The following TSPAN7 variants were observed in gnomAD, a reference collection of about 807,000 sequenced individuals.
TSPAN7 encodes the protein tetraspanin 7, also known as tetraspanin-7.
TSPAN7 carries 1 observed loss-of-function variant against 17.6 expected under a neutral mutation model. The observed-to-expected ratio is 0.06, with a 90% CI of 0.02 to 0.27. The LOEUF (loss-of-function observed/expected upper bound fraction) is 0.27, where lower values mean the gene tolerates loss of function less well. Among genes scored for constraint, TSPAN7 ranks in the 10% least tolerant of loss-of-function variants. The pLI, the probability that TSPAN7 is intolerant of heterozygous loss-of-function variation, is 1.00. For missense variants in TSPAN7, 112 were observed against 201.7 expected, an observed-to-expected ratio of 0.56 and a Z score of 2.69; for synonymous variants, 78 against 79.0, an observed-to-expected ratio of 0.99 and a Z score of 0.07.
At chrX:38,655,328 A>G (rs1318986789) in intron 1 of TSPAN7, among the ~76,000 whole-genome samples, 4 of 110,863 alleles carry the variant, frequency 3.6e-5, no homozygotes, top group Admixed American at 2.9e-4. Flanking sequence ...AAAACATATT[A>G]CTATTACCTT....
At chrX:38,591,706 G>A (rs2069292879) in intron 1 of TSPAN7, among the ~76,000 whole-genome samples, 1 of 111,897 alleles carries the variant, frequency 8.9e-6, no homozygotes, top group African/African-American at 3.2e-5. Context: ...ATGTTTAAAT[G>A]TTTAGGATTG....
At chrX:38,650,535 G>C in intron 1 of TSPAN7, among the ~76,000 whole-genome samples, 1 of 111,820 alleles carries the variant, frequency 8.9e-6, no homozygotes, top group South Asian at 3.8e-4. Context: ...CATGTCCTTG[G>C]CCATAACTTG....
chrX:38,660,687 T>C (rs189658587), intron 1 of TSPAN7, among the ~76,000 whole-genome samples: 113 of 112,285 alleles, frequency 1.0e-3, no homozygotes, highest in African/African-American at 3.5e-3. Flanking sequence ...TAAAATGCAA[T>C]CTAGCTAAGA....
rs2069645274 is a variant in TSPAN7 at position 38,646,237 on chromosome X, C to A, written c.82-19884C>A. On this transcript the variant is annotated intron_variant, in intron 1 of 7. Transcript: ENST00000378482. ...ATACCATAGAGCTTTTCTATAATAT[C>A]TTTTGTATTACATGTTCATAAAAGA... 16 of 1,140,373 alleles carry A rather than the reference C, an allele frequency of 1.4e-5. No homozygotes were observed. The Admixed American group carries it at 1.9e-4, about 13-fold the overall frequency. The allele number at this position is 1,140,373 out of a possible 1,213,427, so 94.0% of individuals were successfully genotyped here. A position where few individuals can be genotyped will look rare whatever the true frequency, so the allele number is the denominator to read the frequency against.
chrX:38,584,321 C>T (rs1042230175), intron 1 of TSPAN7, among the ~76,000 whole-genome samples: 3 of 111,086 alleles, frequency 2.7e-5, no homozygotes, highest in Admixed American at 9.6e-5. Context: ...TTTTAGATAA[C>T]GTCCACATGG....
chrX:38,658,405 C>T (rs2147445238), intron 1 of TSPAN7, among the ~76,000 whole-genome samples: 1 of 109,707 alleles, frequency 9.1e-6, no homozygotes, highest in Non-Finnish European at 1.9e-5. Context: ...GTCTTGAACT[C>T]CTGGCCTCAA....
rs1386290071 is a variant in TSPAN7, at chrX:38,659,036, ACACC to A, written c.82-7081_82-7078del. The stretch of plus-strand genomic sequence containing the variant: ...CACACACACACACACACACACACAC[ACACC>A]CACAGACGTACACATGTATACATGT... On this transcript the variant is annotated intron_variant, in intron 1 of 7. Transcript: ENST00000378482. Among the ~76,000 whole-genome samples, 77 of 83,131 alleles carry A rather than the reference ACACC, an allele frequency of 9.3e-4. No homozygotes were observed. The East Asian group carries it at 0.026, about 28-fold the overall frequency. 72.2% of individuals were successfully genotyped at this position (83,131 alleles called of 115,157 possible).
rs367925493 is a variant in TSPAN7, at chrX:38,666,286, G to A, written c.247G>A (p.Gly83Ser). 1.7e-6 allele frequency: 2 copies of A among 1,211,229 alleles called. No individual in the cohort carries two copies. The highest frequency in any genetic ancestry group is 2.2e-6 in the Non-Finnish European group (2 of 895,098). The change falls in exon 2 of 8, where the codon GGT (glycine) becomes AGT (serine). Residue 83 changes from glycine (G) to serine (S), a missense_variant. Gly to Ser is a moderately conservative substitution (Grantham distance 56). Transcript: ENST00000378482. ...GLFGCFATCR[G>S]SPWMLKLYAM... is the part of the protein sequence containing the mutation. ...GTTTGGATGCTTTGCTACATGTCGT[G>A]GTAGCCCATGGATGCTGAAACTGGT...
intron 1 of TSPAN7, among the ~76,000 whole-genome samples, chrX:38,593,273 G>A (rs1418094198): frequency 9.1e-6 from 1 of 110,165 alleles, no homozygotes. Flanking sequence ...TTGAATATGT[G>A]GGCTTATTGT....
intron 1 of TSPAN7, among the ~76,000 whole-genome samples, chrX:38,626,334 A>G (rs186497480): frequency 8.0e-5 from 9 of 112,241 alleles, no homozygotes; most frequent in Non-Finnish European, 1.7e-4. Context: ...ATGATAGGGC[A>G]TGGAATAAAG....
chrX:38,654,980 C>T (rs2069694379), intron 1 of TSPAN7, among the ~76,000 whole-genome samples: 1 of 111,598 alleles, frequency 9.0e-6, no homozygotes, highest in South Asian at 3.7e-4. Flanking sequence ...ATCTCTGAGG[C>T]AAGAGCATGC....
At chrX:38,649,610 G>A (rs2069665199) in intron 1 of TSPAN7, among the ~76,000 whole-genome samples, 1 of 111,344 alleles carries the variant, frequency 9.0e-6, no homozygotes, top group South Asian at 3.9e-4. Context: ...TCTCTCGCTG[G>A]TACAGGCTGC....
At chrX:38,675,309 A>G (rs2069845799) in intron 4 of TSPAN7, among the ~76,000 whole-genome samples, 1 of 112,202 alleles carries the variant, frequency 8.9e-6, no homozygotes, top group South Asian at 3.7e-4. Flanking sequence ...TTTTTTTCTT[A>G]AGAACTATTT....
At chrX:38,670,494 T>C (rs892324307) in intron 2 of TSPAN7, among the ~76,000 whole-genome samples, 5 of 112,135 alleles carry the variant, frequency 4.5e-5, no homozygotes, top group South Asian at 7.4e-4. Flanking sequence ...ATTAGTAGTA[T>C]AGTGCATTTA....
chrX:38,684,954 A>T (rs1006695593), intron 6 of TSPAN7, among the ~76,000 whole-genome samples: 1 of 111,902 alleles, frequency 8.9e-6, no homozygotes, highest in Non-Finnish European at 1.9e-5. Flanking sequence ...TTGTGCTTTT[A>T]TAACAAAAAG....
intron 1 of TSPAN7, among the ~76,000 whole-genome samples, chrX:38,635,701 A>G (rs1316465135): frequency 8.9e-6 from 1 of 112,481 alleles, no homozygotes; most frequent in Non-Finnish European, 1.9e-5. Flanking sequence ...AGTCCTTAGT[A>G]TAACCTTGTG....
intron 5 of TSPAN7, among the ~76,000 whole-genome samples, chrX:38,676,511 G>A (rs1199398826): frequency 8.9e-6 from 1 of 112,192 alleles, no homozygotes; most frequent in Non-Finnish European, 1.9e-5. Flanking sequence ...CAGAGAATAC[G>A]ATGAAGACAT....
chrX:38,593,489 G>A (rs148529968), intron 1 of TSPAN7, among the ~76,000 whole-genome samples: 145 of 111,426 alleles, frequency 1.3e-3, no homozygotes, highest in African/African-American at 4.3e-3. Context: ...GCAAACACAC[G>A]TCTATATTTA....
intron 1 of TSPAN7, among the ~76,000 whole-genome samples, chrX:38,590,816 C>A (rs772813329): frequency 1.1e-3 from 124 of 111,555 alleles, no homozygotes; most frequent in African/African-American, 4.0e-3. Context: ...AATGTATTGG[C>A]ATAACATTTT....
Sources: allele counts gnomAD v4.1 joint callset (sites outside exome capture counted in the v4.1 genomes callset), GRCh38; gene constraint gnomAD v4.1.1; transcripts MANE v1.5; gene names NCBI Gene and HGNC (gene_info 2026-07-23, HGNC 2026-07-21).